The following PAMR1 variants were observed in gnomAD, a reference collection of about 807,000 sequenced individuals.
PAMR1 encodes the protein inactive serine protease PAMR1.
A neutral mutation model predicts 81.8 loss-of-function variants in PAMR1; 88 were observed. The ratio of observed to expected loss-of-function variants is 1.08; its 90% CI spans 0.91 to 1.28. The LOEUF is 1.28. Among genes scored for constraint, PAMR1 ranks in the 50% most tolerant of loss-of-function variants. PAMR1 has a pLI of 0.00. For missense variants in PAMR1, 935 were observed against 919.7 expected (o/e 1.02, Z -0.21); for synonymous variants, 336 against 345.3 (o/e 0.97, Z 0.30).
At chr11:35,523,884 C>T (rs984502143) in intron 1 of PAMR1, among the ~76,000 whole-genome samples, 4 of 152,162 alleles carry the variant, frequency 2.6e-5, no homozygotes, top group South Asian at 2.1e-4. Context: ...AAGAGGTTCT[C>T]GGGTCAGAAA....
chr11:35,460,049 A>G (rs919072752), intron 6 of PAMR1, among the ~76,000 whole-genome samples: 2 of 152,254 alleles, frequency 1.3e-5, no homozygotes, highest in African/African-American at 4.8e-5. Context: ...GCTTTAGTAC[A>G]TGGATACCAA....
Position 35,494,233 on chromosome 11 carries a change from C to T in PAMR1, c.113G>A (p.Trp38Ter), listed in dbSNP as rs767555367. ...ACAGCACTCCCGACACATGATATTC[C>T]ACTCTGCTCCAGGGCAGGCTTCATT... ...VINEACPGAE[W>*]NIMCRECCEY... The change falls in exon 2 of 11, where the codon TGG becomes TAG. Residue 38 changes from tryptophan (W) to a stop codon, truncating the protein, a stop_gained. Coordinates refer to ENST00000619888, the MANE Select transcript of PAMR1 (RefSeq NM_001001991.3). LOFTEE classifies it high-confidence loss of function. 4 of 1,614,194 alleles carry T rather than the reference C, an allele frequency of 2.5e-6. No individual in the cohort carries two copies. The South Asian group carries it at 4.4e-5, about 18-fold the overall frequency.
chr11:35,500,980 G>A (rs1850824553), intron 1 of PAMR1, among the ~76,000 whole-genome samples: 1 of 152,144 alleles, frequency 6.6e-6, no homozygotes, highest in African/African-American at 2.4e-5. Context: ...TGAGTGGTGA[G>A]TGAATGTGAA....
At chr11:35,440,784 A>T (rs1856148498) in intron 7 of PAMR1, among the ~76,000 whole-genome samples, 1 of 152,212 alleles carries the variant, frequency 6.6e-6, no homozygotes, top group African/African-American at 2.4e-5. Flanking sequence ...TGAGTTTACC[A>T]TGATGACTTC....
At chr11:35,506,837 T>C (rs1449525235) in intron 1 of PAMR1, among the ~76,000 whole-genome samples, 1 of 151,380 alleles carries the variant, frequency 6.6e-6, no homozygotes, top group Non-Finnish European at 1.5e-5. Flanking sequence ...TGCATGTGGA[T>C]ATTTATATCT....
chr11:35,497,541 T>TTAAAATGGC (rs1188166612), intron 1 of PAMR1, among the ~76,000 whole-genome samples: 1 of 152,226 alleles, frequency 6.6e-6, no homozygotes, highest in East Asian at 1.9e-4. Flanking sequence ...AATTATACAC[T>TTAAAATGGC]TAAAATGGCT....
intron 1 of PAMR1, among the ~76,000 whole-genome samples, chr11:35,500,832 C>CA (rs1161377760): frequency 6.6e-6 from 1 of 152,122 alleles, no homozygotes; most frequent in African/African-American, 2.4e-5. Flanking sequence ...AATTGTAATA[C>CA]AACAGTAAGT....
At chr11:35,486,857 C>T (rs116334620) in intron 3 of PAMR1, among the ~76,000 whole-genome samples, 1,799 of 152,248 alleles carry the variant, frequency 0.012, 26 homozygotes, top group African/African-American at 0.04. Context: ...TCACATGGAG[C>T]GACTGAAGTA....
intron 6 of PAMR1, among the ~76,000 whole-genome samples, chr11:35,463,517 A>G (rs1012655938): frequency 1.3e-5 from 2 of 152,172 alleles, no homozygotes; most frequent in Non-Finnish European, 1.5e-5. Context: ...CAAGATTCTG[A>G]CCATTTACTC....
At chr11:35,520,026 G>A (rs1186843354) in intron 1 of PAMR1, among the ~76,000 whole-genome samples, 1 of 152,200 alleles carries the variant, frequency 6.6e-6, no homozygotes, top group African/African-American at 2.4e-5. Flanking sequence ...GGTTTGTGGT[G>A]AGGATTAAGT....
chr11:35,470,469 G>A, intron 5 of PAMR1, 132 bp downstream of exon 5: 1 of 696,278 alleles, frequency 1.4e-6, no homozygotes, highest in South Asian at 1.8e-5. Flanking sequence ...TTTTCTCAGT[G>A]TGTAGGCTGT....
chr11:35,461,252 G>T (rs781157524), intron 6 of PAMR1, among the ~76,000 whole-genome samples: 1 of 152,202 alleles, frequency 6.6e-6, no homozygotes, highest in African/African-American at 2.4e-5. Flanking sequence ...CAAGCAAAGC[G>T]TAAGCAAAGC....
intron 10 of PAMR1, among the ~76,000 whole-genome samples, chr11:35,433,207 G>C (rs750026928): frequency 1.2e-4 from 18 of 152,202 alleles, no homozygotes; most frequent in Non-Finnish European, 2.2e-4. Context: ...CAGCATTCTA[G>C]TTTTGCCAGA....
chr11:35,499,498 A>G (rs1850791020), intron 1 of PAMR1, among the ~76,000 whole-genome samples: 1 of 152,192 alleles, frequency 6.6e-6, no homozygotes, highest in African/African-American at 2.4e-5. Flanking sequence ...GATTCTGTAC[A>G]TCAACATGGA....
Position 35,492,061 on chromosome 11 carries a change from G to A in PAMR1, c.363C>T (p.Tyr121=), listed in dbSNP as rs748163488. 1.6e-5 allele frequency: 26 copies of A among 1,613,480 alleles called. No individual in the cohort carries two copies. The highest frequency in any genetic ancestry group is 7.7e-5 in the South Asian group (7 of 90,998). The change falls in exon 3 of 11, where the codon TAC becomes TAT. Residue 121 remains tyrosine (Y), a synonymous_variant. Coordinates refer to ENST00000619888, the MANE Select transcript of PAMR1 (RefSeq NM_001001991.3). ...FYCAECRAGW[Y]GGDCMRCGQV... ...TCTACTTACGCATGCAGTCTCCTCC[G>A]TACCAGCCTGCTCGGCACTCTGCAC... is the stretch of plus-strand genomic sequence containing the variant.
At chr11:35,509,712 C>T (rs577298661) in intron 1 of PAMR1, among the ~76,000 whole-genome samples, 2 of 151,502 alleles carry the variant, frequency 1.3e-5, no homozygotes, top group African/African-American at 2.4e-5. Flanking sequence ...AGAGAAATAC[C>T]AAAGAATCTT....
At chr11:35,522,175 G>T (rs1320326734) in intron 1 of PAMR1, among the ~76,000 whole-genome samples, 1 of 152,122 alleles carries the variant, frequency 6.6e-6, no homozygotes, top group East Asian at 1.9e-4. Context: ...GCCCGCCCTG[G>T]CCTCCCAAAG....
chr11:35,512,176 C>T (rs1565360819), intron 1 of PAMR1, among the ~76,000 whole-genome samples: 1 of 152,142 alleles, frequency 6.6e-6, no homozygotes. Flanking sequence ...GGTAGAGGAT[C>T]GAAAATGAAT....
At chr11:35,465,544 C>G (rs1856741581) in intron 6 of PAMR1, among the ~76,000 whole-genome samples, 1 of 152,232 alleles carries the variant, frequency 6.6e-6, no homozygotes, top group Non-Finnish European at 1.5e-5. Context: ...ATAACATAAA[C>G]TGCCATAGCC....
Sources: gnomAD v4.1 joint callset for allele counts (sites outside exome capture counted in the v4.1 genomes callset) on GRCh38, gnomAD v4.1.1 for gene constraint, MANE v1.5 for transcripts, NCBI Gene and HGNC (gene_info 2026-07-23, HGNC 2026-07-21) for gene names.